The following ADAMTSL1 variants were observed in gnomAD, a reference collection of about 807,000 sequenced individuals.
ADAMTSL1 encodes ADAMTS-like protein 1.
Under a neutral mutation model 201.8 loss-of-function variants are expected in ADAMTSL1, and 126 were observed. The ratio of observed to expected loss-of-function variants is 0.62; its 90% confidence interval spans 0.54 to 0.72. The LOEUF (loss-of-function observed/expected upper bound fraction) is 0.72. ADAMTSL1 is among the 30% of genes least tolerant of loss of function. The pLI, the probability that ADAMTSL1 is intolerant of heterozygous loss-of-function variation, is 0.00. For synonymous variants in ADAMTSL1, 1,121 were observed against 903.4 expected (o/e 1.24, Z -4.32); for missense variants, 2,679 against 2,277.8 (o/e 1.18, Z -3.59).
intron 1 of ADAMTSL1, among the ~76,000 whole-genome samples, chr9:18,022,548 T>C (rs935804515): frequency 1.1e-4 from 16 of 152,148 alleles, no homozygotes; most frequent in African/African-American, 3.1e-4. Context: ...ATGTTATTTT[T>C]TTTTTAGTTG....
chr9:18,010,315 A>G (rs910429120), intron 1 of ADAMTSL1, among the ~76,000 whole-genome samples: 3 of 152,182 alleles, frequency 2.0e-5, no homozygotes, highest in Admixed American at 6.5e-5. Flanking sequence ...CAAGTTTTCT[A>G]TCCACACAGA....
At chr9:18,166,842 A>C (rs1012037288) in intron 2 of ADAMTSL1, among the ~76,000 whole-genome samples, 2 of 151,972 alleles carry the variant, frequency 1.3e-5, no homozygotes, top group Non-Finnish European at 2.9e-5. Flanking sequence ...CTAAAAAATT[A>C]ATTTATTTTG....
intron 1 of ADAMTSL1, among the ~76,000 whole-genome samples, chr9:18,077,651 A>AT (rs1823292539): frequency 6.6e-6 from 1 of 152,210 alleles, no homozygotes; most frequent in South Asian, 2.1e-4. Context: ...GAAGGTAAAC[A>AT]TCAAGTAAAT....
chr9:18,029,102 C>A (rs1172177600), intron 1 of ADAMTSL1, among the ~76,000 whole-genome samples: 2 of 152,220 alleles, frequency 1.3e-5, no homozygotes, highest in African/African-American at 4.8e-5. Flanking sequence ...GATTTTTGCA[C>A]ATTGATTTTA....
intron 24 of ADAMTSL1, among the ~76,000 whole-genome samples, chr9:18,889,101 G>C (rs1829080731): frequency 6.6e-6 from 1 of 152,118 alleles, no homozygotes; most frequent in Non-Finnish European, 1.5e-5. Context: ...AGGCTCTTTT[G>C]GGTAACATTT....
At chr9:18,449,915 T>C (rs1820340489) in intron 2 of ADAMTSL1, among the ~76,000 whole-genome samples, 1 of 152,214 alleles carries the variant, frequency 6.6e-6, no homozygotes, top group Non-Finnish European at 1.5e-5. Flanking sequence ...CTCTCTGACA[T>C]GGCAGTGAGA....
intron 2 of ADAMTSL1, among the ~76,000 whole-genome samples, chr9:18,306,642 A>G (rs1327791165): frequency 6.6e-6 from 1 of 152,130 alleles, no homozygotes; most frequent in Non-Finnish European, 1.5e-5. Flanking sequence ...AAGATTAGAG[A>G]AAAAAAGAAT....
intron 2 of ADAMTSL1, among the ~76,000 whole-genome samples, chr9:18,220,508 G>A (rs1442314032): frequency 6.6e-6 from 1 of 151,958 alleles, no homozygotes; most frequent in Non-Finnish European, 1.5e-5. Context: ...GTCAGTATGT[G>A]TTTCTCTTCT....
At chr9:18,898,434 T>A (rs1167367692) in intron 26 of ADAMTSL1, among the ~76,000 whole-genome samples, 1 of 152,134 alleles carries the variant, frequency 6.6e-6, no homozygotes. Context: ...TTGATGACTA[T>A]CTTTCTGAAA....
At chr9:18,498,880 A>G (rs897302458) in intron 1 of ADAMTSL1, among the ~76,000 whole-genome samples, 2 of 152,232 alleles carry the variant, frequency 1.3e-5, no homozygotes, top group African/African-American at 4.8e-5. Flanking sequence ...AAATCCTGGC[A>G]TGCTTCCTGG....
At position 18,786,679 on chromosome 9, in the gene ADAMTSL1, T is replaced by C. The variant is rs117121290; in HGVS notation, c.3678-8718T>C. On this transcript the variant is annotated intron_variant, in intron 19 of 28. Transcript: ENST00000380548. Reference sequence around the variant, plus strand: ...CATCTCAAACTAAGAAGCTTCACTCTTATTTGAGGAACATCTAGGTAGTTG... The same window carrying C: ...CATCTCAAACTAAGAAGCTTCACTCCTATTTGAGGAACATCTAGGTAGTTG... Among the ~76,000 whole-genome samples the C allele has an allele frequency of 5.1e-3, 772 of 152,276 alleles. 2 individuals carry two copies. Among genetic ancestry groups the C allele is most frequent in the South Asian group, 0.024 (118 of 4,818 alleles).
intron 2 of ADAMTSL1, among the ~76,000 whole-genome samples, chr9:18,351,543 G>T (rs183262780): frequency 6.6e-6 from 1 of 152,196 alleles, no homozygotes; most frequent in Admixed American, 6.5e-5. Context: ...TCGAGAGAGT[G>T]TTGGCATTTG....
chr9:18,449,230 A>G (rs1464371233), intron 2 of ADAMTSL1, among the ~76,000 whole-genome samples: 1 of 151,568 alleles, frequency 6.6e-6, no homozygotes, highest in East Asian at 1.9e-4. Context: ...GTAATTAATG[A>G]TCAAAAATTA....
intron 1 of ADAMTSL1, among the ~76,000 whole-genome samples, chr9:18,051,396 T>A (rs1355358302): frequency 6.6e-6 from 1 of 151,992 alleles, no homozygotes; most frequent in Non-Finnish European, 1.5e-5. Flanking sequence ...TGGGAAGGAG[T>A]CTTCCATGAA....
chr9:18,607,070 C>T (rs1468844060), intron 4 of ADAMTSL1, among the ~76,000 whole-genome samples: 2 of 152,156 alleles, frequency 1.3e-5, no homozygotes, highest in Non-Finnish European at 2.9e-5. Flanking sequence ...TTGCTCTTAA[C>T]ACACTCATTA....
At chr9:18,002,367 C>T (rs993545175) in intron 1 of ADAMTSL1, among the ~76,000 whole-genome samples, 1 of 152,008 alleles carries the variant, frequency 6.6e-6, no homozygotes. Flanking sequence ...ACCTTATACT[C>T]TGAGCCTCAG....
intron 1 of ADAMTSL1, among the ~76,000 whole-genome samples, chr9:17,956,830 G>T (rs1360304909): frequency 6.6e-6 from 1 of 152,148 alleles, no homozygotes; most frequent in African/African-American, 2.4e-5. Flanking sequence ...TGAGCTCAGG[G>T]GGTCTGGGAT....
At chr9:18,064,021 A>T (rs1376158680) in intron 1 of ADAMTSL1, among the ~76,000 whole-genome samples, 1 of 152,084 alleles carries the variant, frequency 6.6e-6, no homozygotes, top group Non-Finnish European at 1.5e-5. Context: ...GCATATTTTT[A>T]TGAATCCCCT....
chr9:18,387,404 A>G lies in ADAMTSL1; in HGVS notation c.208-117425A>G, dbSNP rs535925322. Among the ~76,000 whole-genome samples the G allele has an allele frequency of 4.6e-5, 7 of 152,242 alleles. No homozygotes were observed. In the South Asian group the frequency reaches 1.5e-3, roughly 32 times the overall value. On this transcript the variant is annotated intron_variant, in intron 2 of 29. Coordinates refer to the ADAMTSL1 transcript ENST00000680146. ...TTCCTTCCTCCTATGCAGCCTTGCTATATTTCATCCCCTTCCTTCCTCACC... is the reference window on the plus strand; with the variant it reads ...TTCCTTCCTCCTATGCAGCCTTGCTGTATTTCATCCCCTTCCTTCCTCACC...
Sources: allele counts gnomAD v4.1 joint callset (sites outside exome capture counted in the v4.1 genomes callset), GRCh38; gene constraint gnomAD v4.1.1; transcripts MANE v1.5; gene names NCBI Gene and HGNC (gene_info 2026-07-23, HGNC 2026-07-21).